The following EML1 variants were observed in gnomAD, a reference collection of about 807,000 sequenced individuals.
EML1 encodes the protein echinoderm microtubule-associated protein-like 1.
Under a neutral mutation model 110.4 loss-of-function variants are expected in EML1, and 27 were observed. The observed-to-expected ratio is 0.24, with a 90% confidence interval of 0.18 to 0.34. The LOEUF is 0.34. EML1 is among the 10% of genes least tolerant of loss of function. The pLI, the probability that EML1 is intolerant of heterozygous loss-of-function variation, is 1.00. For synonymous variants in EML1, 344 were observed against 385.8 expected, an observed-to-expected ratio of 0.89 and a Z score of 1.27; for missense variants, 741 against 1,030.9, an observed-to-expected ratio of 0.72 and a Z score of 3.85.
intron 12 of EML1, among the ~76,000 whole-genome samples, chr14:99,910,860 T>C (rs1251325142): frequency 2.0e-5 from 3 of 152,322 alleles, no homozygotes; most frequent in African/African-American, 7.2e-5. Flanking sequence ...TGAGCATTTA[T>C]GAGCACTTAC....
chr14:99,876,870 T>C (rs2059301158), intron 3 of EML1, among the ~76,000 whole-genome samples: 3 of 152,200 alleles, frequency 2.0e-5, no homozygotes, highest in African/African-American at 7.2e-5. Context: ...TTTCATCCTT[T>C]CATTTAATAA....
chr14:99,802,801 T>C (rs2057906009), intron 1 of EML1, among the ~76,000 whole-genome samples: 1 of 151,998 alleles, frequency 6.6e-6, no homozygotes, highest in Admixed American at 6.5e-5. Context: ...AGCATCCAGA[T>C]AGTAATGGGA....
At chr14:99,810,580 G>A (rs1048347018) in intron 1 of EML1, among the ~76,000 whole-genome samples, 2 of 152,060 alleles carry the variant, frequency 1.3e-5, no homozygotes, top group African/African-American at 4.8e-5. Flanking sequence ...TGCATTATTT[G>A]TTAAGACTCA....
At position 99,781,041 on chromosome 14, in the gene EML1, C is replaced by T. The variant is rs7147639; in HGVS notation, c.-27+7028C>T. ...ACCTCATCCTTTAACCTTCCTCTCCCGGGTGATGAAGCATCTCTCCTTCTT... is the reference window on the plus strand; with the variant it reads ...ACCTCATCCTTTAACCTTCCTCTCCTGGGTGATGAAGCATCTCTCCTTCTT... On this transcript the variant is annotated intron_variant, in intron 1 of 22. Transcript: ENST00000327921. The surrounding 1 kb of genome is among the most constrained non-coding windows in gnomAD (Gnocchi z 4.2). 0.12 allele frequency among the ~76,000 whole-genome samples: 18,927 copies of T among 152,136 alleles called. 1,408 individuals are homozygous for T. Among genetic ancestry groups the T allele is most frequent in the East Asian group, 0.37 (1,889 of 5,144 alleles).
intron 2 of EML1, among the ~76,000 whole-genome samples, chr14:99,852,415 G>C (rs985491889): frequency 2.0e-5 from 3 of 152,210 alleles, no homozygotes; most frequent in African/African-American, 7.2e-5. Context: ...AGGAGTTCAA[G>C]ACCCATCTAG....
At chr14:99,928,799 G>A (rs1032840173) in intron 17 of EML1, among the ~76,000 whole-genome samples, 1 of 152,114 alleles carries the variant, frequency 6.6e-6, no homozygotes, top group Non-Finnish European at 1.5e-5. Flanking sequence ...TCTGAACCAC[G>A]TTCATAACTT....
At chr14:99,824,019 C>T (rs528077721) in intron 1 of EML1, among the ~76,000 whole-genome samples, 6 of 152,234 alleles carry the variant, frequency 3.9e-5, no homozygotes, top group East Asian at 3.9e-4. Context: ...TGCCGTGGCG[C>T]GATCTCGGTT....
intron 1 of EML1, among the ~76,000 whole-genome samples, chr14:99,753,574 G>A (rs181840445): frequency 1.1e-3 from 164 of 152,068 alleles, no homozygotes; most frequent in African/African-American, 3.8e-3. Flanking sequence ...GCAGGGAGGG[G>A]CCTCCTCTGT....
chr14:99,889,057 C>T (rs947570195), intron 4 of EML1, among the ~76,000 whole-genome samples: 13 of 152,274 alleles, frequency 8.5e-5, no homozygotes, highest in East Asian at 7.7e-4. Flanking sequence ...GGAGGAAAGC[C>T]GAGAGACGTT....
At chr14:99,756,029 G>A (rs538983328) in intron 1 of EML1, among the ~76,000 whole-genome samples, 6 of 152,204 alleles carry the variant, frequency 3.9e-5, no homozygotes, top group Admixed American at 6.5e-5. Context: ...ACAGCCCCTC[G>A]CCTAGCCAGG....
At chr14:99,790,865 C>CTTTTTTTTTTTTTTTTTTTTTTTTTT (rs763959981), upstream of EML1, among the ~76,000 whole-genome samples, 15 of 138,474 alleles carry the variant, frequency 1.1e-4, no homozygotes, top group Non-Finnish European at 1.5e-4. Context: ...TTTTTCTTTT[C>CTTTTTTTTTTTTTTTTTTTTTTTTTT]CTTTTTTTTT....
At chr14:99,864,998 C>G (rs1388611335) in intron 2 of EML1, among the ~76,000 whole-genome samples, 1 of 151,816 alleles carries the variant, frequency 6.6e-6, no homozygotes, top group Non-Finnish European at 1.5e-5. Flanking sequence ...AGAAGTGGGG[C>G]GGGTGGTGGG....
intron 1 of EML1, among the ~76,000 whole-genome samples, chr14:99,747,379 A>G (rs1196796388): frequency 6.6e-6 from 1 of 151,884 alleles, no homozygotes; most frequent in Non-Finnish European, 1.5e-5. Flanking sequence ...GATCGGCTCC[A>G]GATGTACAGG....
intron 1 of EML1, among the ~76,000 whole-genome samples, chr14:99,750,015 C>T (rs1170975145): frequency 6.6e-6 from 1 of 152,220 alleles, no homozygotes; most frequent in African/African-American, 2.4e-5. Flanking sequence ...GGAGTGTCCT[C>T]CCGCGAGGTT....
chr14:99,857,712 T>C (rs1225110998), intron 2 of EML1, among the ~76,000 whole-genome samples: 4 of 152,216 alleles, frequency 2.6e-5, no homozygotes, highest in Non-Finnish European at 5.9e-5. Flanking sequence ...CCACTTAGCA[T>C]ACTTGTTTTC....
chr14:99,905,138 G>A lies in EML1; in HGVS notation c.1009-2500G>A, dbSNP rs2059822928. ...TTCTGGGTTCCCTTTCCCTGAGGCGGCCCTAGTGATCCAGCTGGCTGCACC... is the reference window on the plus strand; with the variant it reads ...TTCTGGGTTCCCTTTCCCTGAGGCGACCCTAGTGATCCAGCTGGCTGCACC... On this transcript the variant is annotated intron_variant, in intron 9 of 21. Transcript: ENST00000262233. This position sits in a 1 kb window ranked among gnomAD's most constrained non-coding sequence, Gnocchi z 4.1. Among the ~76,000 whole-genome samples, 1 of 152,142 alleles carries A rather than the reference G, an allele frequency of 6.6e-6. No homozygotes were observed. Among genetic ancestry groups the A allele is most frequent in the Non-Finnish European group, 1.5e-5 (1 of 68,030 alleles).
At chr14:99,745,087 G>A (rs1428720551) in intron 1 of EML1, among the ~76,000 whole-genome samples, 2 of 151,344 alleles carry the variant, frequency 1.3e-5, no homozygotes, top group African/African-American at 4.9e-5. Flanking sequence ...TTTTTTTTGA[G>A]ACAGACTCTT....
At chr14:99,798,680 C>T (rs945266603) in intron 1 of EML1, among the ~76,000 whole-genome samples, 12 of 152,210 alleles carry the variant, frequency 7.9e-5, no homozygotes, top group African/African-American at 2.9e-4. Context: ...GCATGAGCCA[C>T]TGTACCTGGC....
At chr14:99,893,844 T>G (rs779588845) in intron 5 of EML1, among the ~76,000 whole-genome samples, 2 of 152,244 alleles carry the variant, frequency 1.3e-5, no homozygotes, top group African/African-American at 2.4e-5. Flanking sequence ...TTCTTTGCCC[T>G]TATCATATCC....
Sources: gnomAD v4.1 joint callset for allele counts (sites outside exome capture counted in the v4.1 genomes callset) on GRCh38, gnomAD v4.1.1 for gene constraint, Gnocchi (gnomAD v3.1) non-coding constraint, MANE v1.5 for transcripts, NCBI Gene and HGNC (gene_info 2026-07-23, HGNC 2026-07-21) for gene names.